The following MACROD1 variants were observed in gnomAD, a reference collection of about 807,000 sequenced individuals.
The protein encoded by MACROD1 is mono-ADP ribosylhydrolase 1.
Under a neutral mutation model 41.4 loss-of-function variants are expected in MACROD1, and 31 were observed. That is an observed-to-expected ratio of 0.75 (90% CI 0.56 to 1.01). MACROD1 has a LOEUF of 1.01. Ranked by LOEUF, MACROD1 falls within the 50% of genes least tolerant of loss-of-function variation. The pLI is 0.00. For synonymous variants in MACROD1, 252 were observed against 203.4 expected (o/e 1.24, Z -2.03); for missense variants, 473 against 460.0 (o/e 1.03, Z -0.26).
At chr11:64,011,328 T>C (rs566676276) in intron 4 of MACROD1, among the ~76,000 whole-genome samples, 1 of 151,192 alleles carries the variant, frequency 6.6e-6, no homozygotes, top group South Asian at 2.1e-4. Flanking sequence ...TTGGCTGGCA[T>C]GTTGGTTGGG....
intron 3 of MACROD1, among the ~76,000 whole-genome samples, chr11:64,031,336 C>G (rs1943291202): frequency 1.3e-5 from 2 of 152,224 alleles, no homozygotes; most frequent in South Asian, 4.1e-4. Flanking sequence ...AGGGCCCACC[C>G]TCCTGGTCCT....
intron 3 of MACROD1, chr11:64,117,822 G>A (rs776865641): frequency 1.2e-6 from 2 of 1,614,190 alleles, no homozygotes; most frequent in East Asian, 2.2e-5. Flanking sequence ...CTACGTAGCT[G>A]ATGAGACACC....
At chr11:64,092,078 C>T (rs945431216) in intron 3 of MACROD1, among the ~76,000 whole-genome samples, 3 of 152,200 alleles carry the variant, frequency 2.0e-5, no homozygotes, top group African/African-American at 7.2e-5. Flanking sequence ...GACCATAGCA[C>T]ACTCTGGTGT....
At chr11:64,048,037 C>T (rs1467931953) in intron 3 of MACROD1, among the ~76,000 whole-genome samples, 4 of 152,182 alleles carry the variant, frequency 2.6e-5, no homozygotes, top group Non-Finnish European at 4.4e-5. Flanking sequence ...AGTGGGGATG[C>T]TGGCAGGCCC....
intron 4 of MACROD1, among the ~76,000 whole-genome samples, 196 bp downstream of exon 4, chr11:64,015,056 G>A (rs554477918): frequency 1.1e-4 from 16 of 152,316 alleles, no homozygotes; most frequent in African/African-American, 3.8e-4. Context: ...TGGGGAGCTG[G>A]CCCAGGTTGC....
chr11:64,052,474 AG>A (rs1160263244), intron 3 of MACROD1, among the ~76,000 whole-genome samples: 1 of 152,162 alleles, frequency 6.6e-6, no homozygotes, highest in Non-Finnish European at 1.5e-5. Flanking sequence ...GCCTGGGCCA[AG>A]CTTGTGGGAA....
chr11:64,142,197 T>A lies in MACROD1; in HGVS notation c.517+9042A>T, dbSNP rs141549012. ...CTGATTCGTGCAGCCCCTCCCACCA[T>A]CTGACCAACTCTCAAGGGCATGGAG... is the stretch of plus-strand genomic sequence containing the variant. On this transcript the variant is annotated intron_variant, in intron 3 of 10. Transcript: ENST00000255681. Among the ~76,000 whole-genome samples the A allele has an allele frequency of 2.3e-3, 350 of 152,300 alleles. 3 individuals carry two copies. Among genetic ancestry groups the A allele is most frequent in the African/African-American group, 8.2e-3 (339 of 41,572 alleles).
At chr11:63,998,793 T>G in intron 10 of MACROD1, 45 bp downstream of exon 10, 1 of 1,463,636 alleles carries the variant, frequency 6.8e-7, no homozygotes. Flanking sequence ...AGTGGGCGGG[T>G]TAGTCTAGGG....
intron 3 of MACROD1, among the ~76,000 whole-genome samples, chr11:64,016,760 G>A (rs2134343501): frequency 1.3e-5 from 2 of 152,354 alleles, no homozygotes; most frequent in South Asian, 4.1e-4. Context: ...CAAAGCAGGG[G>A]TGGGGGCCGC....
intron 8 of MACROD1, 86 bp downstream of exon 8, chr11:63,999,245 C>G: frequency 6.7e-7 from 1 of 1,496,192 alleles, no homozygotes. Context: ...GCCCTGCGCT[C>G]TGCACCCTGA....
chr11:64,095,376 G>T (rs985464837), intron 3 of MACROD1, among the ~76,000 whole-genome samples: 2 of 152,198 alleles, frequency 1.3e-5, no homozygotes, highest in African/African-American at 2.4e-5. Context: ...GGCCGCCTGG[G>T]CCGAGCGCAC....
At chr11:64,101,561 C>T (rs868216676) in intron 3 of MACROD1, among the ~76,000 whole-genome samples, 10 of 152,274 alleles carry the variant, frequency 6.6e-5, no homozygotes, top group South Asian at 2.1e-4. Flanking sequence ...ACAATTTCTG[C>T]GCCCCGGCCA....
At chr11:64,006,400 G>T (rs1292045321) in intron 4 of MACROD1, among the ~76,000 whole-genome samples, 1 of 152,208 alleles carries the variant, frequency 6.6e-6, no homozygotes. Context: ...AGGGTGCAGA[G>T]CCCATCCTCA....
At chr11:64,076,091 G>A (rs2134475026) in intron 3 of MACROD1, among the ~76,000 whole-genome samples, 1 of 152,296 alleles carries the variant, frequency 6.6e-6, no homozygotes, top group East Asian at 1.9e-4. Context: ...CCTGCAGCCA[G>A]AGGCCTCTCC....
At chr11:64,117,447 A>G in intron 3 of MACROD1, 1 of 1,613,004 alleles carries the variant, frequency 6.2e-7, no homozygotes, top group Non-Finnish European at 8.5e-7. Context: ...GGCTGCCAAG[A>G]CCACGGCCAG....
intron 3 of MACROD1, among the ~76,000 whole-genome samples, chr11:64,133,377 C>G (rs1945291712): frequency 6.6e-6 from 1 of 152,206 alleles, no homozygotes; most frequent in African/African-American, 2.4e-5. Flanking sequence ...AGAGAGGAGA[C>G]TGCTGGGGAT....
intron 3 of MACROD1, among the ~76,000 whole-genome samples, chr11:64,080,976 C>A (rs1013216913): frequency 6.6e-6 from 1 of 152,196 alleles, no homozygotes; most frequent in Non-Finnish European, 1.5e-5. Flanking sequence ...TTGTTGAAGT[C>A]TGTTTAATGA....
At chr11:64,139,032 G>A (rs1035474961) in intron 3 of MACROD1, among the ~76,000 whole-genome samples, 15 of 152,236 alleles carry the variant, frequency 9.9e-5, no homozygotes, top group Non-Finnish European at 1.5e-5. Context: ...CTCCCAAAGT[G>A]CTGGGATTAT....
chr11:64,016,275 C>A (rs1462944313), intron 3 of MACROD1, among the ~76,000 whole-genome samples: 1 of 152,244 alleles, frequency 6.6e-6, no homozygotes, highest in Non-Finnish European at 1.5e-5. Context: ...TGGGCTCCAG[C>A]CCCGATCCGC....
Sources: gnomAD v4.1 joint callset for allele counts (sites outside exome capture counted in the v4.1 genomes callset) on GRCh38, gnomAD v4.1.1 for gene constraint, MANE v1.5 for transcripts, NCBI Gene and HGNC (gene_info 2026-07-23, HGNC 2026-07-21) for gene names.